Variants in KCNH7 observed in about 807,000 individuals in gnomAD.
KCNH7 encodes the protein potassium voltage-gated channel subfamily H member 7.
In KCNH7, 49 loss-of-function variants were observed where a neutral mutation model predicts 120.8. The ratio of observed to expected loss-of-function variants is 0.41; its 90% CI spans 0.32 to 0.51. The LOEUF is 0.51. KCNH7 is among the 20% of genes least tolerant of loss of function. The pLI is 0.38. For missense variants in KCNH7, 1,097 were observed against 1,446.6 expected (o/e 0.76, Z 3.92); for synonymous variants, 547 against 516.1 (o/e 1.06, Z -0.81).
intron 2 of KCNH7, among the ~76,000 whole-genome samples, chr2:162,685,103 AC>A (rs1020356868): frequency 5.3e-5 from 8 of 152,076 alleles, no homozygotes; most frequent in African/African-American, 1.9e-4. Context: ...AGAACAGAAA[AC>A]CAAACGCCAC....
At chr2:162,384,380 T>C (rs1178059341) in intron 13 of KCNH7, among the ~76,000 whole-genome samples, 1 of 151,914 alleles carries the variant, frequency 6.6e-6, no homozygotes, top group Non-Finnish European at 1.5e-5. Flanking sequence ...TCTTAAAATA[T>C]TCATGGGTCC....
intron 6 of KCNH7, among the ~76,000 whole-genome samples, chr2:162,466,494 A>G (rs2105622253): frequency 6.6e-6 from 1 of 152,358 alleles, no homozygotes; most frequent in South Asian, 2.1e-4. Flanking sequence ...CACTATCATG[A>G]GAACAGCATG....
intron 2 of KCNH7, among the ~76,000 whole-genome samples, chr2:162,802,199 T>C (rs1367974726): frequency 6.6e-6 from 1 of 151,784 alleles, no homozygotes; most frequent in Non-Finnish European, 1.5e-5. Flanking sequence ...TTAATAACTC[T>C]AGTTTCTTTT....
chr2:162,601,477 C>T (rs1026408716), intron 2 of KCNH7, among the ~76,000 whole-genome samples: 1 of 119,056 alleles, frequency 8.4e-6, no homozygotes, highest in East Asian at 2.8e-4. Context: ...TAAATCAGGA[C>T]ACAAATAACC....
intron 2 of KCNH7, among the ~76,000 whole-genome samples, chr2:162,826,511 C>T (rs548429677): frequency 1.3e-5 from 2 of 152,108 alleles, no homozygotes; most frequent in South Asian, 2.1e-4. Context: ...TATTAGAATA[C>T]ATTGCTTTAT....
chr2:162,737,228 T>C (rs1687945744), intron 2 of KCNH7, among the ~76,000 whole-genome samples: 1 of 152,100 alleles, frequency 6.6e-6, no homozygotes, highest in African/African-American at 2.4e-5. Context: ...TTGAGTTAAA[T>C]GGGGGCCAAG....
chr2:162,762,814 T>C (rs1370616833), intron 2 of KCNH7, among the ~76,000 whole-genome samples: 3 of 152,110 alleles, frequency 2.0e-5, no homozygotes, highest in Admixed American at 1.3e-4. Context: ...AATGTAAATA[T>C]GCTTAGGAAA....
At chr2:162,423,832 A>G (rs1687778005) in intron 8 of KCNH7, among the ~76,000 whole-genome samples, 2 of 152,184 alleles carry the variant, frequency 1.3e-5, no homozygotes, top group Non-Finnish European at 2.9e-5. Context: ...TGCATTTGAA[A>G]TAAACCCTTT....
At chr2:162,776,237 C>A (rs1683233035) in intron 2 of KCNH7, among the ~76,000 whole-genome samples, 2 of 152,086 alleles carry the variant, frequency 1.3e-5, no homozygotes, top group Admixed American at 6.6e-5. Context: ...CTACATGTAG[C>A]CTCTGGATGG....
intron 7 of KCNH7, among the ~76,000 whole-genome samples, chr2:162,444,169 A>G (rs976375450): frequency 6.6e-6 from 1 of 152,072 alleles, no homozygotes. Context: ...TGGTTTGTTT[A>G]TTAATGGTCT....
chr2:162,680,794 C>T (rs1685685542), intron 2 of KCNH7, among the ~76,000 whole-genome samples: 1 of 151,566 alleles, frequency 6.6e-6, no homozygotes, highest in African/African-American at 2.4e-5. Flanking sequence ...CTAGTGTCTA[C>T]TTTATAAAAT....
At chr2:162,673,007 T>G (rs1685410693) in intron 2 of KCNH7, among the ~76,000 whole-genome samples, 1 of 151,978 alleles carries the variant, frequency 6.6e-6, no homozygotes, top group South Asian at 2.1e-4. Flanking sequence ...GATTTAAGAA[T>G]AAATGGAGGA....
intron 2 of KCNH7, among the ~76,000 whole-genome samples, chr2:162,670,447 T>C (rs1488892283): frequency 1.7e-5 from 2 of 117,486 alleles, no homozygotes; most frequent in African/African-American, 7.0e-5. Context: ...CACTCCAGCC[T>C]GGGCAACAAG....
chr2:162,640,521 C>T (rs1490170343), intron 2 of KCNH7, among the ~76,000 whole-genome samples: 1 of 151,782 alleles, frequency 6.6e-6, no homozygotes, highest in East Asian at 1.9e-4. Context: ...TGAAATTTGA[C>T]CCAAGTCTCA....
intron 6 of KCNH7, among the ~76,000 whole-genome samples, chr2:162,461,021 T>C (rs1689129528): frequency 6.6e-6 from 1 of 152,212 alleles, no homozygotes; most frequent in African/African-American, 2.4e-5. Context: ...AATAAAGTCC[T>C]CATCACTTGT....
chr2:162,755,515 T>G (rs1047344121), intron 2 of KCNH7, among the ~76,000 whole-genome samples: 7 of 152,044 alleles, frequency 4.6e-5, no homozygotes, highest in African/African-American at 1.7e-4. Context: ...TTTACCAATT[T>G]TCTTTATTTA....
chr2:162,634,047 G>A (rs961989214), intron 2 of KCNH7, among the ~76,000 whole-genome samples: 1 of 151,850 alleles, frequency 6.6e-6, no homozygotes, highest in African/African-American at 2.4e-5. Flanking sequence ...TGTGTGTAAC[G>A]AATGAGTTGT....
At chr2:162,788,819 G>A (rs937499515) in intron 2 of KCNH7, among the ~76,000 whole-genome samples, 2 of 151,726 alleles carry the variant, frequency 1.3e-5, no homozygotes, top group African/African-American at 4.8e-5. Context: ...TCGTCACTGA[G>A]ACATATTACA....
intron 2 of KCNH7, among the ~76,000 whole-genome samples, chr2:162,744,657 T>C (rs1688252311): frequency 6.6e-6 from 1 of 151,102 alleles, no homozygotes; most frequent in Admixed American, 6.6e-5. Flanking sequence ...ACTGCAAGCT[T>C]CGCCTCTCGG....
Sources: allele counts gnomAD v4.1 joint callset (sites outside exome capture counted in the v4.1 genomes callset), GRCh38; gene constraint gnomAD v4.1.1; transcripts MANE v1.5; gene names NCBI Gene and HGNC (gene_info 2026-07-23, HGNC 2026-07-21).